Variants in CDKAL1 observed in about 807,000 individuals in gnomAD.
CDKAL1 encodes the protein CDKAL1 threonylcarbamoyladenosine tRNA methylthiotransferase.
In CDKAL1, 32 loss-of-function variants were observed where a neutral mutation model predicts 68.2. The observed-to-expected ratio is 0.47, with a 90% CI of 0.35 to 0.63. The LOEUF is 0.63. Among genes scored for constraint, CDKAL1 ranks in the 30% least tolerant of loss-of-function variants. The pLI is 0.00. For missense variants in CDKAL1, 606 were observed against 696.7 expected (o/e 0.87, Z 1.47); for synonymous variants, 234 against 244.3 (o/e 0.96, Z 0.39).
intron 6 of CDKAL1, among the ~76,000 whole-genome samples, chr6:20,743,828 T>C (rs1367118309): frequency 1.3e-5 from 2 of 152,302 alleles, no homozygotes; most frequent in African/African-American, 4.8e-5. Context: ...TGCACAAACC[T>C]GTCTAATTTC....
intron 4 of CDKAL1, among the ~76,000 whole-genome samples, chr6:20,550,136 A>G (rs1306640547): frequency 6.6e-6 from 1 of 151,752 alleles, no homozygotes; most frequent in Non-Finnish European, 1.5e-5. Context: ...GCGCCACCAC[A>G]CCAGGCTAAT....
intron 13 of CDKAL1, among the ~76,000 whole-genome samples, chr6:21,191,087 G>A (rs1021809520): frequency 3.9e-5 from 6 of 152,210 alleles, no homozygotes; most frequent in Admixed American, 3.9e-4. Flanking sequence ...TTCTTACTGA[G>A]TTAAAAGTAT....
intron 13 of CDKAL1, among the ~76,000 whole-genome samples, chr6:21,121,227 C>A (rs991838281): frequency 3.9e-5 from 6 of 152,040 alleles, no homozygotes; most frequent in Non-Finnish European, 8.8e-5. Context: ...TAGAAATAGC[C>A]ACAAAAACAG....
chr6:21,011,944 A>T (rs916553259), intron 11 of CDKAL1, among the ~76,000 whole-genome samples: 1 of 147,078 alleles, frequency 6.8e-6, no homozygotes, highest in Non-Finnish European at 1.5e-5. Context: ...AATATGGCAT[A>T]AAAAAAAAGT....
At chr6:20,952,179 C>G (rs1055787403) in intron 9 of CDKAL1, among the ~76,000 whole-genome samples, 5 of 151,982 alleles carry the variant, frequency 3.3e-5, no homozygotes, top group Non-Finnish European at 5.9e-5. Context: ...AGGATGGTCT[C>G]GATCTCCTGA....
At chr6:20,545,803 A>G (rs560314571) in intron 2 of CDKAL1, among the ~76,000 whole-genome samples, 2 of 152,396 alleles carry the variant, frequency 1.3e-5, no homozygotes, top group South Asian at 2.1e-4. Flanking sequence ...AATTATAGAC[A>G]TAATGACATT....
chr6:20,882,471 A>G (rs574763627), intron 9 of CDKAL1, among the ~76,000 whole-genome samples: 1 of 152,224 alleles, frequency 6.6e-6, no homozygotes, highest in East Asian at 1.9e-4. Flanking sequence ...TTTCTCTTTT[A>G]AATCTTTTGT....
chr6:20,986,413 C>T (rs1766453166), intron 10 of CDKAL1, among the ~76,000 whole-genome samples: 1 of 151,944 alleles, frequency 6.6e-6, no homozygotes. Context: ...CTATTTTTCT[C>T]AATTTTTCAA....
intron 13 of CDKAL1, among the ~76,000 whole-genome samples, chr6:21,125,683 AAAAC>A (rs1044585031): frequency 6.6e-5 from 10 of 152,162 alleles, no homozygotes; most frequent in Admixed American, 2.0e-4. Flanking sequence ...CCATCTCAAA[AAAAC>A]AAACAAACAA....
chr6:21,020,629 A>C (rs765527917), intron 11 of CDKAL1, among the ~76,000 whole-genome samples: 3 of 151,718 alleles, frequency 2.0e-5, no homozygotes, highest in Non-Finnish European at 4.4e-5. Flanking sequence ...CACCACGCCC[A>C]GCTGATTTTG....
intron 4 of CDKAL1, among the ~76,000 whole-genome samples, chr6:20,594,089 C>CT: frequency 6.6e-6 from 1 of 152,290 alleles, no homozygotes; most frequent in South Asian, 2.1e-4. Flanking sequence ...GAGTGTTTTA[C>CT]TTCCAATTAT....
At chr6:20,561,286 A>T (rs1274833854) in intron 4 of CDKAL1, among the ~76,000 whole-genome samples, 1 of 151,774 alleles carries the variant, frequency 6.6e-6, no homozygotes, top group East Asian at 1.9e-4. Context: ...TACTAAAAAT[A>T]AAAAAATTAG....
chr6:20,650,137 C>T (rs1204183129), intron 5 of CDKAL1, among the ~76,000 whole-genome samples: 1 of 152,152 alleles, frequency 6.6e-6, no homozygotes, highest in Non-Finnish European at 1.5e-5. Context: ...GAGAAATCGC[C>T]ACACTGTCTT....
intron 11 of CDKAL1, among the ~76,000 whole-genome samples, chr6:21,003,928 G>A (rs745650562): frequency 7.2e-5 from 11 of 152,224 alleles, no homozygotes; most frequent in Admixed American, 5.2e-4. Flanking sequence ...TCTAAATGGC[G>A]GCCCATTTCA....
chr6:21,151,863 TAC>T (rs760734523), intron 13 of CDKAL1, among the ~76,000 whole-genome samples: 14 of 152,290 alleles, frequency 9.2e-5, no homozygotes, highest in Non-Finnish European at 1.9e-4. Flanking sequence ...AGTTCGTATC[TAC>T]AGTTTTTTTT....
At chr6:20,923,463 A>G (rs779950783) in intron 9 of CDKAL1, among the ~76,000 whole-genome samples, 159 of 152,230 alleles carry the variant, frequency 1.0e-3, no homozygotes, top group South Asian at 2.1e-3. Context: ...TCTGTGATCA[A>G]TGATCTTTGA....
chr6:20,809,217 C>T (rs1776691994), intron 8 of CDKAL1, among the ~76,000 whole-genome samples: 1 of 152,184 alleles, frequency 6.6e-6, no homozygotes, highest in Non-Finnish European at 1.5e-5. Context: ...AGCTACAGCT[C>T]CCAACCCCAG....
rs528769060 is a variant in CDKAL1 at position 20,803,790 on chromosome 6, T to C, written c.638+22525T>C. Among the ~76,000 whole-genome samples the C allele has an allele frequency of 9.2e-5, 14 of 152,250 alleles. No homozygotes were observed. The East Asian group carries it at 2.5e-3, about 27-fold the overall frequency. The stretch of plus-strand genomic sequence containing the variant: ...GGCAGAAATAGAAAATAATTTTATA[T>C]TTAAAAGAAATAGCTACTGGGAAAA... On this transcript the variant is annotated intron_variant, in intron 8 of 15. Coordinates refer to ENST00000274695, the MANE Select transcript of CDKAL1 (RefSeq NM_017774.3).
chr6:21,151,542 C>T (rs371836877), intron 13 of CDKAL1, among the ~76,000 whole-genome samples: 14 of 152,070 alleles, frequency 9.2e-5, no homozygotes, highest in East Asian at 7.7e-4. Context: ...ACTAAAATAA[C>T]GACTCCAATA....
Sources: allele counts gnomAD v4.1 joint callset (sites outside exome capture counted in the v4.1 genomes callset), GRCh38; gene constraint gnomAD v4.1.1; transcripts MANE v1.5; gene names NCBI Gene and HGNC (gene_info 2026-07-23, HGNC 2026-07-21).